Variants in ATG7 observed in about 807,000 individuals in gnomAD.
ATG7 encodes the protein autophagy related 7, also known as ubiquitin-like modifier-activating enzyme ATG7.
ATG7 carries 70 observed loss-of-function variants against 82.4 expected under a neutral mutation model. That is an observed-to-expected ratio of 0.85 (90% CI 0.70 to 1.04). The LOEUF (loss-of-function observed/expected upper bound fraction) is 1.04, where lower values mean the gene tolerates loss of function less well. ATG7 is among the 50% of genes least tolerant of loss of function. The pLI, the probability that ATG7 is intolerant of heterozygous loss-of-function variation, is 0.00. For missense variants in ATG7, 792 were observed against 864.3 expected, an observed-to-expected ratio of 0.92 and a Z score of 1.05; for synonymous variants, 287 against 313.0, an observed-to-expected ratio of 0.92 and a Z score of 0.88.
At chr3:11,393,830 G>C (rs906269293) in intron 19 of ATG7, among the ~76,000 whole-genome samples, 2 of 152,108 alleles carry the variant, frequency 1.3e-5, no homozygotes, top group Admixed American at 1.3e-4. Context: ...ACTGGTGCAT[G>C]CCACCACACC....
intron 20 of ATG7, among the ~76,000 whole-genome samples, chr3:11,544,489 G>A (rs558133440): frequency 6.6e-6 from 1 of 152,356 alleles, no homozygotes; most frequent in African/African-American, 2.4e-5. Context: ...TGTGGCCTCT[G>A]GCCCAGAGCC....
chr3:11,470,547 A>G (rs1323072483), intron 20 of ATG7, among the ~76,000 whole-genome samples: 1 of 152,212 alleles, frequency 6.6e-6, no homozygotes, highest in Non-Finnish European at 1.5e-5. Context: ...TGCTGATAAC[A>G]TGCCAGGCTA....
chr3:11,366,878 T>C (rs1431715392), intron 18 of ATG7, among the ~76,000 whole-genome samples: 1 of 152,148 alleles, frequency 6.6e-6, no homozygotes, highest in Non-Finnish European at 1.5e-5. Context: ...TCTCCTCGTT[T>C]TCAAATGTCT....
chr3:11,461,614 G>A (rs112538334), intron 20 of ATG7, among the ~76,000 whole-genome samples: 3 of 152,264 alleles, frequency 2.0e-5, no homozygotes, highest in African/African-American at 7.2e-5. Flanking sequence ...TTCTTAGAAT[G>A]AGAATTCTTA....
At chr3:11,306,726 T>C (rs546672009) in intron 5 of ATG7, among the ~76,000 whole-genome samples, 8 of 152,272 alleles carry the variant, frequency 5.3e-5, no homozygotes, top group African/African-American at 1.7e-4. Flanking sequence ...CCTGATAGGT[T>C]AGAGTATAGG....
chr3:11,539,700 C>A (rs531754842), intron 20 of ATG7, among the ~76,000 whole-genome samples: 2 of 152,204 alleles, frequency 1.3e-5, no homozygotes, highest in African/African-American at 2.4e-5. Context: ...AAGCTATATT[C>A]GTTTTCTCTT....
chr3:11,536,444 C>T lies in ATG7; in HGVS notation c.2080-18367C>T, dbSNP rs149173491. The stretch of plus-strand genomic sequence containing the variant: ...CACAGCAGGACCAGCTCCTTCCTAA[C>T]TGCTTTTGTTTTGTCCTGGGACAGA... On this transcript the variant is annotated intron_variant, in intron 20 of 20. Coordinates refer to ENST00000693202, the MANE Select transcript of ATG7 (RefSeq NM_001349232.2). Among the ~76,000 whole-genome samples, 31 of 152,356 alleles carry T rather than the reference C, an allele frequency of 2.0e-4. No individual in the cohort carries two copies. The East Asian group carries it at 5.0e-3, about 25-fold the overall frequency.
chr3:11,513,569 A>T (rs768746313), intron 20 of ATG7, among the ~76,000 whole-genome samples: 19 of 152,286 alleles, frequency 1.2e-4, no homozygotes, highest in Non-Finnish European at 2.1e-4. Context: ...GCCCACCCGG[A>T]ACTCCAGCTG....
chr3:11,511,117 G>A (rs1444894231), intron 20 of ATG7, among the ~76,000 whole-genome samples: 2 of 152,204 alleles, frequency 1.3e-5, no homozygotes, highest in Non-Finnish European at 2.9e-5. Context: ...AGAGTGAGCA[G>A]TAGCAAGATT....
intron 20 of ATG7, among the ~76,000 whole-genome samples, chr3:11,474,468 T>G (rs1193957951): frequency 6.6e-6 from 1 of 152,066 alleles, no homozygotes; most frequent in Non-Finnish European, 1.5e-5. Context: ...GGCATGGTGG[T>G]GTGCGCCTGT....
the ATG7 span, among the ~76,000 whole-genome samples, chr3:11,571,208 G>A: frequency 1.3e-5 from 2 of 152,088 alleles, no homozygotes; most frequent in African/African-American, 2.4e-5. Context: ...TCGCTGGCAG[G>A]GACACAGGGC....
chr3:11,330,652 C>G (rs1487539172), intron 9 of ATG7, among the ~76,000 whole-genome samples: 1 of 152,172 alleles, frequency 6.6e-6, no homozygotes, highest in African/African-American at 2.4e-5. Flanking sequence ...AAGTCAGTAT[C>G]TGGGTGCTGG....
At chr3:11,480,221 G>A (rs1030586440) in intron 20 of ATG7, among the ~76,000 whole-genome samples, 3 of 151,818 alleles carry the variant, frequency 2.0e-5, no homozygotes, top group African/African-American at 4.8e-5. Context: ...ATGAGCCACC[G>A]CACCCGGCCT....
intron 15 of ATG7, among the ~76,000 whole-genome samples, chr3:11,359,310 T>C (rs1300252977): frequency 2.0e-5 from 3 of 152,210 alleles, no homozygotes; most frequent in African/African-American, 4.8e-5. Context: ...GTAGTGTGTT[T>C]ATTCTTATTT....
intron 20 of ATG7, among the ~76,000 whole-genome samples, chr3:11,475,077 G>T (rs889193290): frequency 1.3e-5 from 2 of 151,954 alleles, no homozygotes; most frequent in African/African-American, 2.4e-5. Context: ...AATGGATTGG[G>T]TTATAGAGGA....
intron 20 of ATG7, among the ~76,000 whole-genome samples, chr3:11,482,858 C>T (rs2153034693): frequency 6.6e-6 from 1 of 151,674 alleles, no homozygotes; most frequent in East Asian, 1.9e-4. Flanking sequence ...GTATACATCT[C>T]ACTGAATTTT....
intron 20 of ATG7, among the ~76,000 whole-genome samples, chr3:11,462,305 A>G (rs1385700570): frequency 6.6e-6 from 1 of 152,032 alleles, no homozygotes; most frequent in Non-Finnish European, 1.5e-5. Flanking sequence ...GTGCAGCCAC[A>G]AGAAGGAGAC....
intron 20 of ATG7, among the ~76,000 whole-genome samples, chr3:11,535,529 A>T (rs192000185): frequency 3.3e-5 from 5 of 152,172 alleles, no homozygotes; most frequent in Admixed American, 6.5e-5. Context: ...TGACAGTGGG[A>T]CAGTAGCCCT....
chr3:11,440,014 G>A (rs2083731029), intron 20 of ATG7, among the ~76,000 whole-genome samples: 1 of 152,190 alleles, frequency 6.6e-6, no homozygotes, highest in Non-Finnish European at 1.5e-5. Flanking sequence ...GCTGGAATCA[G>A]AGAGGAAGAA....
Sources: allele counts gnomAD v4.1 joint callset (sites outside exome capture counted in the v4.1 genomes callset), GRCh38; gene constraint gnomAD v4.1.1; transcripts MANE v1.5; gene names NCBI Gene and HGNC (gene_info 2026-07-23, HGNC 2026-07-21).